KSR2: variants seen among roughly 807,000 people sequenced by gnomAD.
KSR2 encodes kinase suppressor of ras 2.
KSR2 carries 25 observed loss-of-function variants against 107.8 expected under a neutral mutation model. The ratio of observed to expected loss-of-function variants is 0.23; its 90% confidence interval spans 0.17 to 0.32. KSR2 has a LOEUF of 0.32. KSR2 is among the 10% of genes least tolerant of loss of function. The pLI is 1.00. For synonymous variants in KSR2, 480 were observed against 507.0 expected, an observed-to-expected ratio of 0.95 and a Z score of 0.71; for missense variants, 887 against 1,268.9, an observed-to-expected ratio of 0.70 and a Z score of 4.57.
chr12:117,763,674 G>A (rs538866369), intron 3 of KSR2, among the ~76,000 whole-genome samples: 1 of 152,336 alleles, frequency 6.6e-6, no homozygotes, highest in East Asian at 1.9e-4. Context: ...CTAAGGTGCA[G>A]ATTGGCTTTT....
intron 3 of KSR2, among the ~76,000 whole-genome samples, chr12:117,853,240 CA>C (rs1452357634): frequency 6.6e-6 from 1 of 151,970 alleles, no homozygotes; most frequent in East Asian, 1.9e-4. Context: ...TGGATATTTC[CA>C]AAAATAGGAG....
intron 4 of KSR2, among the ~76,000 whole-genome samples, chr12:117,724,705 C>T (rs1423200385): frequency 6.6e-6 from 1 of 151,998 alleles, no homozygotes; most frequent in Non-Finnish European, 1.5e-5. Flanking sequence ...CAAGAACATG[C>T]CAAGAATAAA....
intron 3 of KSR2, among the ~76,000 whole-genome samples, chr12:117,828,337 G>A (rs910383798): frequency 1.3e-5 from 2 of 152,166 alleles, no homozygotes; most frequent in African/African-American, 4.8e-5. Flanking sequence ...TAGAATCCTG[G>A]TGTTATGTAA....
At position 117,840,103 on chromosome 12, in the gene KSR2, T is replaced by TA. The variant is rs1364428124; in HGVS notation, c.472+15324_472+15325insT. On this transcript the variant is annotated intron_variant, in intron 3 of 19. Transcript: ENST00000339824. ...TTATTTTATTTTACTTTATTTTATT[T>TA]TATTTTTTTTTTTGAGATGGAGTCT... Among the ~76,000 whole-genome samples the TA allele has an allele frequency of 9.8e-3, 1,274 of 129,614 alleles. 23 individuals are homozygous for TA. The highest frequency in any genetic ancestry group is 0.035 in the African/African-American group (1,167 of 33,342). The allele number at this position is 129,614 out of a possible 152,430, so 85.0% of individuals were successfully genotyped here.
Position 117,579,291 on chromosome 12 carries a change from A to C in KSR2, c.1242-89T>G. ...GATGAAGTACTTGAAGAGCAAGCAC[A>C]TGAACCCTGGATTCCAGTCCTGTTT... On this transcript the variant is annotated intron_variant, in intron 6 of 19. Transcript: ENST00000339824. 3.3e-6 allele frequency: 3 copies of C among 898,762 alleles called. No homozygotes were observed. The South Asian group carries it at 4.2e-5, about 13-fold the overall frequency. The allele number at this position is 898,762 out of a possible 1,614,324, so 55.7% of individuals were successfully genotyped here.
chr12:117,695,542 C>CA (rs770628810), intron 4 of KSR2, among the ~76,000 whole-genome samples: 14,547 of 130,666 alleles, frequency 0.11, 891 homozygotes, highest in East Asian at 0.31. Flanking sequence ...CCCATTTCTA[C>CA]AAAAAAAAAA....
chr12:117,589,641 G>A (rs1880206916), intron 5 of KSR2, among the ~76,000 whole-genome samples: 2 of 152,166 alleles, frequency 1.3e-5, no homozygotes, highest in African/African-American at 4.8e-5. Context: ...CCAGTCACCA[G>A]CTAAAATCCC....
At chr12:117,715,090 T>G (rs1474266435) in intron 4 of KSR2, among the ~76,000 whole-genome samples, 3 of 152,160 alleles carry the variant, frequency 2.0e-5, no homozygotes, top group African/African-American at 4.8e-5. Flanking sequence ...CCTGGATACA[T>G]AAATTCTCAT....
At chr12:117,729,549 C>T (rs1887575761) in intron 4 of KSR2, among the ~76,000 whole-genome samples, 1 of 152,126 alleles carries the variant, frequency 6.6e-6, no homozygotes, top group Admixed American at 6.5e-5. Flanking sequence ...GTGTCATTCA[C>T]CTCCGTCCCT....
At chr12:117,850,726 T>A (rs559706912) in intron 3 of KSR2, among the ~76,000 whole-genome samples, 1 of 151,836 alleles carries the variant, frequency 6.6e-6, no homozygotes, top group South Asian at 2.1e-4. Context: ...GGGGGATCGC[T>A]TGACCCCAGG....
At chr12:117,772,066 C>T (rs1472427436) in intron 3 of KSR2, among the ~76,000 whole-genome samples, 4 of 147,748 alleles carry the variant, frequency 2.7e-5, no homozygotes, top group Non-Finnish European at 4.5e-5. Flanking sequence ...CACACATACA[C>T]GCCGTTCCCC....
At chr12:117,655,383 G>A (rs1884104194) in intron 5 of KSR2, among the ~76,000 whole-genome samples, 1 of 152,178 alleles carries the variant, frequency 6.6e-6, no homozygotes, top group African/African-American at 2.4e-5. Flanking sequence ...ATAGAACGGT[G>A]GAATGGCCTT....
intron 1 of KSR2, among the ~76,000 whole-genome samples, chr12:117,947,501 ATATACTCCCAC>A (rs1896235671): frequency 6.6e-6 from 1 of 152,140 alleles, no homozygotes; most frequent in African/African-American, 2.4e-5. Context: ...AGGCAAGGAT[ATATACTCCCAC>A]TATTCCCATC....
At chr12:117,502,235 G>T (rs1258803688) in intron 14 of KSR2, among the ~76,000 whole-genome samples, 1 of 152,236 alleles carries the variant, frequency 6.6e-6, no homozygotes, top group Non-Finnish European at 1.5e-5. Flanking sequence ...GCGCATGTGT[G>T]TGTACATATG....
In KSR2 at chr12:117,630,399, G is replaced by A. The variant is rs191671751; in HGVS notation, c.1171+37075C>T. 2.6e-5 allele frequency among the ~76,000 whole-genome samples: 4 copies of A among 152,294 alleles called. No homozygotes were observed. In the East Asian group the frequency reaches 7.7e-4, roughly 29 times the overall value. Reference sequence around the variant, plus strand: ...TGCATGTGTATGTGTGTGTGCACATGTGTGTGCATGTGTAAAGGAAGAGGG... The same window carrying A: ...TGCATGTGTATGTGTGTGTGCACATATGTGTGCATGTGTAAAGGAAGAGGG... On this transcript the variant is annotated intron_variant, in intron 5 of 19. Transcript: ENST00000339824.
At chr12:117,854,592 G>A (rs1893036239) in intron 3 of KSR2, among the ~76,000 whole-genome samples, 1 of 152,182 alleles carries the variant, frequency 6.6e-6, no homozygotes, top group African/African-American at 2.4e-5. Flanking sequence ...GCTCAACAGT[G>A]ACACCTTGTG....
intron 5 of KSR2, among the ~76,000 whole-genome samples, chr12:117,643,467 A>G (rs1487939860): frequency 1.3e-5 from 2 of 152,136 alleles, no homozygotes; most frequent in Non-Finnish European, 2.9e-5. Context: ...CAAAACAACA[A>G]CAACAACAAA....
At chr12:117,849,919 A>G (rs1179933492) in intron 3 of KSR2, among the ~76,000 whole-genome samples, 1 of 152,244 alleles carries the variant, frequency 6.6e-6, no homozygotes, top group Non-Finnish European at 1.5e-5. Flanking sequence ...TCATCACTGT[A>G]GGAAACACCA....
At chr12:117,957,959 G>A (rs919885376) in intron 1 of KSR2, among the ~76,000 whole-genome samples, 1 of 151,760 alleles carries the variant, frequency 6.6e-6, no homozygotes, top group Non-Finnish European at 1.5e-5. Context: ...AGCCTCCCAA[G>A]TAGCTGGGAT....
Sources: gnomAD v4.1 joint callset for allele counts (sites outside exome capture counted in the v4.1 genomes callset) on GRCh38, gnomAD v4.1.1 for gene constraint, MANE v1.5 for transcripts, NCBI Gene and HGNC (gene_info 2026-07-23, HGNC 2026-07-21) for gene names.